EXOC6B: variants seen among roughly 807,000 people sequenced by gnomAD.
EXOC6B encodes the protein exocyst complex component 6B, also known as SEC15 homolog B.
A neutral mutation model predicts 113.5 loss-of-function variants in EXOC6B; 54 were observed. The ratio of observed to expected loss-of-function variants is 0.48; its 90% CI spans 0.38 to 0.60. The LOEUF is 0.60. Ranked by LOEUF, EXOC6B falls within the 20% of genes least tolerant of loss-of-function variation. EXOC6B has a pLI of 0.00. For synonymous variants in EXOC6B, 357 were observed against 339.0 expected (o/e 1.05, Z -0.58); for missense variants, 797 against 977.5 (o/e 0.82, Z 2.46).
At chr2:72,262,532 A>T (rs1388573614) in intron 20 of EXOC6B, among the ~76,000 whole-genome samples, 1 of 152,206 alleles carries the variant, frequency 6.6e-6, no homozygotes, top group East Asian at 1.9e-4. Context: ...CAAAGCATTA[A>T]ATATTGGTCT....
chr2:72,205,025 T>G (rs558139031), intron 20 of EXOC6B, among the ~76,000 whole-genome samples: 10 of 152,204 alleles, frequency 6.6e-5, no homozygotes, highest in Middle Eastern at 3.4e-3. Context: ...AGTCTACAGA[T>G]GAAACACAAA....
chr2:72,490,895 C>G (rs1398937806), intron 16 of EXOC6B, among the ~76,000 whole-genome samples: 1 of 152,088 alleles, frequency 6.6e-6, no homozygotes, highest in Non-Finnish European at 1.5e-5. Flanking sequence ...TCTATCAGAC[C>G]ATGTTCTTGC....
At chr2:72,247,276 C>T (rs1682725925) in intron 20 of EXOC6B, among the ~76,000 whole-genome samples, 1 of 151,972 alleles carries the variant, frequency 6.6e-6, no homozygotes, top group African/African-American at 2.4e-5. Flanking sequence ...ATGGGCAGAC[C>T]CTGGGAGTTG....
At chr2:72,637,501 T>C (rs1386583111) in intron 6 of EXOC6B, among the ~76,000 whole-genome samples, 1 of 150,622 alleles carries the variant, frequency 6.6e-6, no homozygotes, top group Non-Finnish European at 1.5e-5. Context: ...AAAGGTCTCA[T>C]AGTCTGGCCA....
At chr2:72,579,834 G>T (rs901352954) in intron 6 of EXOC6B, among the ~76,000 whole-genome samples, 2 of 152,128 alleles carry the variant, frequency 1.3e-5, no homozygotes, top group Non-Finnish European at 2.9e-5. Context: ...TTGAAAAGAA[G>T]ATTTAGGCCT....
intron 18 of EXOC6B, among the ~76,000 whole-genome samples, chr2:72,382,209 A>G (rs1033573062): frequency 1.3e-5 from 2 of 152,210 alleles, no homozygotes; most frequent in Admixed American, 6.5e-5. Context: ...AAAGAAAAAC[A>G]GGGTTCAACA....
rs1305604019 is a variant in EXOC6B, at chr2:72,176,765, G to A, written c.*2570C>T. The A allele has an allele frequency of 2.0e-5, 3 of 152,084 alleles. No homozygotes were observed. The highest frequency in any genetic ancestry group is 2.0e-4 in the Admixed American group (3 of 15,264). 9.4% of individuals were successfully genotyped at this position (152,084 alleles called of 1,614,324 possible). ...TAGACCTGGTTTCCTCAAGAACTTG[G>A]CCAAGGGTTCATCCTGACCAGAAGC... On this transcript the variant is annotated 3_prime_UTR_variant, in exon 22 of 22. Coordinates refer to ENST00000272427, the MANE Select transcript of EXOC6B (RefSeq NM_015189.3).
intron 1 of EXOC6B, among the ~76,000 whole-genome samples, chr2:72,823,264 TAC>T (rs775817419): frequency 6.6e-6 from 1 of 151,432 alleles, no homozygotes; most frequent in East Asian, 1.9e-4. Flanking sequence ...TTCTTTTTTT[TAC>T]AGTGTCCCCT....
intron 18 of EXOC6B, among the ~76,000 whole-genome samples, chr2:72,410,997 T>G (rs1011605190): frequency 1.5e-4 from 23 of 152,092 alleles, no homozygotes; most frequent in Non-Finnish European, 1.5e-5. Flanking sequence ...TAGCCTGAGC[T>G]CAAGAGTTCA....
chr2:72,179,320 GT>G lies in EXOC6B; in HGVS notation c.*14del. On this transcript the variant is annotated 3_prime_UTR_variant, in exon 22 of 22. Coordinates refer to ENST00000272427, the MANE Select transcript of EXOC6B (RefSeq NM_015189.3). The stretch of plus-strand genomic sequence containing the variant: ...AGGCTGCAGCAGGTCGCCTCTGTGG[GT>G]CCGGGGTCACCCTTCATGAGTGGTG... 6.3e-7 allele frequency: 1 copy of G among 1,590,172 alleles called. No individual in the cohort carries two copies. The highest frequency in any genetic ancestry group is 8.6e-7 in the Non-Finnish European group (1 of 1,167,420).
chr2:72,530,478 G>T (rs1701946955), intron 8 of EXOC6B, among the ~76,000 whole-genome samples: 1 of 152,084 alleles, frequency 6.6e-6, no homozygotes, highest in African/African-American at 2.4e-5. Flanking sequence ...TTCAAAATTT[G>T]TTGAGGTCTG....
In EXOC6B at chr2:72,684,192, G is replaced by A. The variant is rs150347987; in HGVS notation, c.669+33911C>T. Among the ~76,000 whole-genome samples, 19 of 152,258 alleles carry A rather than the reference G, an allele frequency of 1.2e-4. No homozygotes were observed. In the East Asian group the frequency reaches 3.1e-3, roughly 25 times the overall value. On this transcript the variant is annotated intron_variant, in intron 6 of 21. Transcript: ENST00000272427. ...TCTACCCGCCTCGGCCTCTCAAAGC[G>A]CTGGGATTAAAGGCATGAGCCACCG... is the stretch of plus-strand genomic sequence containing the variant.
intron 6 of EXOC6B, among the ~76,000 whole-genome samples, chr2:72,646,784 A>C (rs1673753967): frequency 2.6e-5 from 4 of 152,246 alleles, no homozygotes; most frequent in Admixed American, 2.6e-4. Flanking sequence ...TAAACTAGGT[A>C]TTGATGGAAT....
chr2:72,780,420 T>C (rs1394008680), intron 1 of EXOC6B, among the ~76,000 whole-genome samples: 1 of 152,242 alleles, frequency 6.6e-6, no homozygotes, highest in Non-Finnish European at 1.5e-5. Flanking sequence ...CAGCATTTTT[T>C]GTTGTTATTG....
At chr2:72,241,267 T>A (rs774215292) in intron 20 of EXOC6B, among the ~76,000 whole-genome samples, 1 of 152,156 alleles carries the variant, frequency 6.6e-6, no homozygotes, top group Non-Finnish European at 1.5e-5. Context: ...ATAGACTGTA[T>A]ATGGCTAAGG....
chr2:72,586,678 G>T (rs1455190076), intron 6 of EXOC6B, among the ~76,000 whole-genome samples: 6 of 152,072 alleles, frequency 3.9e-5, no homozygotes, highest in Non-Finnish European at 8.8e-5. Context: ...CTTGAACCTG[G>T]GAGGCAGAGG....
At chr2:72,506,822 G>T (rs189457093) in intron 11 of EXOC6B, among the ~76,000 whole-genome samples, 104 of 151,922 alleles carry the variant, frequency 6.8e-4, no homozygotes, top group African/African-American at 2.4e-3. Context: ...TTCATATTTT[G>T]GACTGAAGGA....
At chr2:72,732,851 G>A (rs1225569373) in intron 3 of EXOC6B, among the ~76,000 whole-genome samples, 2 of 152,122 alleles carry the variant, frequency 1.3e-5, no homozygotes, top group African/African-American at 2.4e-5. Context: ...ATGACAAGTC[G>A]ATGATTTAAA....
At chr2:72,182,989 A>G (rs1475209236) in intron 21 of EXOC6B, 3 of 976,114 alleles carry the variant, frequency 3.1e-6, no homozygotes, top group Non-Finnish European at 4.0e-6. Flanking sequence ...GTCAGGAGAA[A>G]ACTGCAGTCT....
Sources: gnomAD v4.1 joint callset for allele counts (sites outside exome capture counted in the v4.1 genomes callset) on GRCh38, gnomAD v4.1.1 for gene constraint, MANE v1.5 for transcripts, NCBI Gene and HGNC (gene_info 2026-07-23, HGNC 2026-07-21) for gene names.